The following UBE2L6 variants were observed in gnomAD, a reference collection of about 807,000 sequenced individuals.
The protein encoded by UBE2L6 is ubiquitin conjugating enzyme E2 L6.
Under a neutral mutation model 13.6 loss-of-function variants are expected in UBE2L6, and 11 were observed. The ratio of observed to expected loss-of-function variants is 0.81; its 90% CI spans 0.51 to 1.34. The LOEUF (loss-of-function observed/expected upper bound fraction) is 1.34. UBE2L6 is among the 40% of genes most tolerant of loss of function. UBE2L6 has a pLI of 0.00. For synonymous variants in UBE2L6, 74 were observed against 83.2 expected (o/e 0.89, Z 0.60); for missense variants, 197 against 199.5 (o/e 0.99, Z 0.07).
intron 1 of UBE2L6, 91 bp downstream of exon 1, chr11:57,567,494 G>A: frequency 2.0e-6 from 3 of 1,537,372 alleles, no homozygotes; most frequent in Non-Finnish European, 2.7e-6. Flanking sequence ...ATAAATAAAT[G>A]TGCTCGGAGA....
chr11:57,557,544 A>C (rs1945007941), intron 2 of UBE2L6, among the ~76,000 whole-genome samples: 1 of 151,844 alleles, frequency 6.6e-6, no homozygotes, highest in South Asian at 2.1e-4. Context: ...ATAGGCATGC[A>C]CCACCACACC....
intron 3 of UBE2L6, 122 bp from the exon 4 acceptor site, chr11:57,552,631 T>A (rs1434678347): frequency 2.3e-6 from 3 of 1,297,236 alleles, no homozygotes; most frequent in Non-Finnish European, 3.2e-6. Flanking sequence ...CGCTTAGGAT[T>A]ACTCTACGAC....
chr11:57,554,289 C>A (rs529846213), intron 3 of UBE2L6, 148 bp downstream of exon 3: 2 of 893,880 alleles, frequency 2.2e-6, no homozygotes, highest in East Asian at 2.6e-5. Flanking sequence ...CAGGAAGCAT[C>A]CCTTCTATCT....
chr11:57,553,498 A>G (rs1944974528), intron 3 of UBE2L6, among the ~76,000 whole-genome samples: 1 of 152,068 alleles, frequency 6.6e-6, no homozygotes, highest in Admixed American at 6.6e-5. Context: ...GTGTCTCAGT[A>G]GAAAAAACAA....
At chr11:57,566,973 C>A in intron 1 of UBE2L6, 1 of 412,996 alleles carries the variant, frequency 2.4e-6, no homozygotes, top group Non-Finnish European at 4.7e-6. Flanking sequence ...TAGAACAGGG[C>A]CAGCACATGT....
chr11:57,553,517 A>T (rs1441932747), intron 3 of UBE2L6, among the ~76,000 whole-genome samples: 1 of 151,880 alleles, frequency 6.6e-6, no homozygotes, highest in African/African-American at 2.4e-5. Context: ...AAAAAGGATT[A>T]AAATTAAGTA....
At chr11:57,555,026 G>C (rs1944986867) in intron 2 of UBE2L6, among the ~76,000 whole-genome samples, 1 of 152,212 alleles carries the variant, frequency 6.6e-6, no homozygotes, top group Non-Finnish European at 1.5e-5. Context: ...TGAGGAAATG[G>C]AGAAAATGAG....
At position 57,552,475 on chromosome 11, in the gene UBE2L6, C is replaced by A; in HGVS notation, c.345G>T (p.Pro115=). 2.5e-6 allele frequency: 4 copies of A among 1,614,170 alleles called. No individual in the cohort carries two copies. Among genetic ancestry groups the A allele is most frequent in the Non-Finnish European group, 2.5e-6 (3 of 1,180,022 alleles). ...CCATCCGCAGGGGCTCCCTGATATTCGGTCTATTCACCAGCACATTGAGGG... is the reference window on the plus strand; with the variant it reads ...CCATCCGCAGGGGCTCCCTGATATTAGGTCTATTCACCAGCACATTGAGGG... ...LEALNVLVNR[P]NIREPLRMDL... Residue 115 remains proline, a synonymous_variant, in exon 4 of 4, where the codon CCG becomes CCT. Transcript: ENST00000287156.
At chr11:57,561,619 T>C (rs981442324) in intron 1 of UBE2L6, among the ~76,000 whole-genome samples, 1 of 152,088 alleles carries the variant, frequency 6.6e-6, no homozygotes, top group African/African-American at 2.4e-5. Flanking sequence ...GAAACATAAG[T>C]ACAGTATGTC....
intron 2 of UBE2L6, among the ~76,000 whole-genome samples, chr11:57,559,768 C>T (rs575477868): frequency 2.0e-5 from 3 of 151,924 alleles, no homozygotes; most frequent in South Asian, 4.2e-4. Context: ...CACTAATAAT[C>T]GGATGAAAAA....
At chr11:57,556,182 C>T (rs1944995807) in intron 2 of UBE2L6, among the ~76,000 whole-genome samples, 1 of 152,104 alleles carries the variant, frequency 6.6e-6, no homozygotes, top group Admixed American at 6.5e-5. Flanking sequence ...CTCTGACACT[C>T]ACTAGCCATG....
intron 1 of UBE2L6, 152 bp downstream of exon 1, chr11:57,567,433 G>T: frequency 1.8e-6 from 2 of 1,131,094 alleles, no homozygotes; most frequent in South Asian, 1.5e-5. Flanking sequence ...GTCCTCCTCT[G>T]AGTAGAGGGC....
At chr11:57,557,138 C>T (rs981604012) in intron 2 of UBE2L6, among the ~76,000 whole-genome samples, 1 of 151,830 alleles carries the variant, frequency 6.6e-6, no homozygotes, top group African/African-American at 2.4e-5. Flanking sequence ...TACCAGGAGG[C>T]GTATGGGTCC....
upstream of UBE2L6, chr11:57,567,698 C>A: frequency 3.4e-6 from 5 of 1,489,320 alleles, no homozygotes; most frequent in Non-Finnish European, 4.5e-6. Flanking sequence ...GCCCCGGGGA[C>A]CCCACCCCCG....
chr11:57,562,942 C>A (rs1307575280), intron 1 of UBE2L6, among the ~76,000 whole-genome samples: 1 of 152,104 alleles, frequency 6.6e-6, no homozygotes, highest in Admixed American at 6.5e-5. Flanking sequence ...CAGACACCAA[C>A]AAACATCCAC....
intron 2 of UBE2L6, among the ~76,000 whole-genome samples, chr11:57,555,190 G>T (rs1369343891): frequency 1.3e-5 from 2 of 152,182 alleles, no homozygotes; most frequent in Non-Finnish European, 2.9e-5. Context: ...AAGCAAACAG[G>T]TATTTGTATA....
chr11:57,567,810 G>A (rs561228345), upstream of UBE2L6: 15 of 534,092 alleles, frequency 2.8e-5, no homozygotes, highest in South Asian at 4.3e-4. Context: ...CCGGACAACC[G>A]CCCGATCCCC....
chr11:57,567,473 T>TG, intron 1 of UBE2L6, 112 bp downstream of exon 1: 1 of 1,456,798 alleles, frequency 6.9e-7, no homozygotes, highest in East Asian at 2.4e-5. Context: ...CCAGCCCTGG[T>TG]GCCCAGACAA....
chr11:57,564,064 A>G (rs189275972), intron 1 of UBE2L6, among the ~76,000 whole-genome samples: 23 of 152,310 alleles, frequency 1.5e-4, no homozygotes, highest in African/African-American at 5.3e-4. Flanking sequence ...GAATTTCCCA[A>G]ATCTAGAGAA....
Sources: gnomAD v4.1 joint callset for allele counts (sites outside exome capture counted in the v4.1 genomes callset) on GRCh38, gnomAD v4.1.1 for gene constraint, MANE v1.5 for transcripts, NCBI Gene and HGNC (gene_info 2026-07-23, HGNC 2026-07-21) for gene names.